The following ZNF804B variants were observed in gnomAD, a reference collection of about 807,000 sequenced individuals.
ZNF804B encodes zinc finger protein 804B.
Under a neutral mutation model 101.4 loss-of-function variants are expected in ZNF804B, and 80 were observed. The ratio of observed to expected loss-of-function variants is 0.79; its 90% CI spans 0.66 to 0.95. ZNF804B has a LOEUF of 0.95. Among genes scored for constraint, ZNF804B ranks in the 40% least tolerant of loss-of-function variants. ZNF804B has a pLI of 0.00. For synonymous variants in ZNF804B, 622 were observed against 558.8 expected (o/e 1.11, Z -1.59); for missense variants, 1,673 against 1,561.9 (o/e 1.07, Z -1.20).
At chr7:88,888,285 G>T (rs1792163692) in intron 1 of ZNF804B, among the ~76,000 whole-genome samples, 1 of 152,022 alleles carries the variant, frequency 6.6e-6, no homozygotes, top group South Asian at 2.1e-4. Flanking sequence ...CTGGCTACTT[G>T]GGAGGTTGAG....
At chr7:89,221,671 A>G (rs1789005222) in intron 2 of ZNF804B, among the ~76,000 whole-genome samples, 1 of 149,532 alleles carries the variant, frequency 6.7e-6, no homozygotes, top group Non-Finnish European at 1.5e-5. Flanking sequence ...TAACATGTTG[A>G]TAAACAACCT....
At chr7:88,900,338 A>C (rs1792369725) in intron 1 of ZNF804B, among the ~76,000 whole-genome samples, 1 of 151,890 alleles carries the variant, frequency 6.6e-6, no homozygotes, top group South Asian at 2.1e-4. Flanking sequence ...ATTTAAATGG[A>C]ATGAATAAAA....
intron 1 of ZNF804B, among the ~76,000 whole-genome samples, chr7:89,053,868 C>T (rs1789248738): frequency 6.6e-6 from 1 of 151,958 alleles, no homozygotes; most frequent in Admixed American, 6.6e-5. Context: ...AAGATCTTAC[C>T]TAATTGGATG....
intron 1 of ZNF804B, among the ~76,000 whole-genome samples, chr7:89,133,025 A>G (rs902055150): frequency 6.6e-6 from 1 of 152,062 alleles, no homozygotes; most frequent in Non-Finnish European, 1.5e-5. Flanking sequence ...CTGCTGCATT[A>G]TAATGCCTTA....
chr7:89,277,487 CCCCCCTCCCCCCTA>C (rs1454472228), intron 2 of ZNF804B, among the ~76,000 whole-genome samples: 1,058 of 21,928 alleles, frequency 0.048, 96 homozygotes, highest in African/African-American at 0.072. Context: ...CCTCCCCCCT[CCCCCCTCCCCCCTA>C]CCCCCACCCC....
At chr7:88,865,566 T>C (rs779477328) in intron 1 of ZNF804B, among the ~76,000 whole-genome samples, 16 of 152,106 alleles carry the variant, frequency 1.1e-4, no homozygotes, top group Non-Finnish European at 2.4e-4. Flanking sequence ...CATAAATGCA[T>C]ATATAAAATG....
chr7:89,101,314 T>C (rs961133867), intron 1 of ZNF804B, among the ~76,000 whole-genome samples: 3 of 152,088 alleles, frequency 2.0e-5, no homozygotes, highest in Non-Finnish European at 4.4e-5. Context: ...GTATCAGAAG[T>C]GAATATTTTG....
intron 1 of ZNF804B, among the ~76,000 whole-genome samples, chr7:88,899,170 G>T (rs1325434999): frequency 6.6e-6 from 1 of 152,104 alleles, no homozygotes; most frequent in East Asian, 1.9e-4. Flanking sequence ...GTTCAAGGTT[G>T]TATTCAGAGA....
intron 1 of ZNF804B, chr7:88,794,577 T>C (rs769803138): frequency 2.3e-5 from 37 of 1,613,558 alleles, no homozygotes; most frequent in Non-Finnish European, 3.0e-5. Flanking sequence ...TAAAAAATAC[T>C]GTTTCATCTT....
intron 2 of ZNF804B, among the ~76,000 whole-genome samples, chr7:89,228,272 C>T (rs995296498): frequency 2.0e-5 from 3 of 152,000 alleles, no homozygotes; most frequent in Admixed American, 1.3e-4. Context: ...GCAAAGAGCG[C>T]AAGAACAAAG....
At chr7:89,224,212 T>C (rs1789046895) in intron 2 of ZNF804B, among the ~76,000 whole-genome samples, 1 of 151,978 alleles carries the variant, frequency 6.6e-6, no homozygotes, top group South Asian at 2.1e-4. Flanking sequence ...CAAATCCACT[T>C]TGAAACCCTC....
intron 1 of ZNF804B, among the ~76,000 whole-genome samples, chr7:88,819,160 G>A (rs997131122): frequency 1.3e-5 from 2 of 151,788 alleles, no homozygotes; most frequent in Admixed American, 6.6e-5. Context: ...GTCTCTTTCC[G>A]TCACCCAGGC....
At chr7:89,105,525 G>A (rs115541189) in intron 1 of ZNF804B, among the ~76,000 whole-genome samples, 3 of 151,996 alleles carry the variant, frequency 2.0e-5, no homozygotes, top group Non-Finnish European at 2.9e-5. Context: ...TTCCTTGACC[G>A]TGGGCCAGTC....
At chr7:88,936,219 A>G (rs1259040123) in intron 1 of ZNF804B, among the ~76,000 whole-genome samples, 2 of 152,042 alleles carry the variant, frequency 1.3e-5, no homozygotes, top group East Asian at 1.9e-4. Context: ...CCAGCATTAC[A>G]CTATCATTTT....
At chr7:89,268,202 T>C (rs1789828457) in intron 2 of ZNF804B, among the ~76,000 whole-genome samples, 2 of 152,160 alleles carry the variant, frequency 1.3e-5, no homozygotes, top group Non-Finnish European at 2.9e-5. Flanking sequence ...TTCAATGCTG[T>C]ATTTCCAACT....
chr7:89,012,021 G>T (rs191821184), intron 1 of ZNF804B, among the ~76,000 whole-genome samples: 3 of 152,058 alleles, frequency 2.0e-5, no homozygotes, highest in African/African-American at 7.2e-5. Context: ...AAGCATTTCC[G>T]TACATCCTCT....
intron 1 of ZNF804B, among the ~76,000 whole-genome samples, chr7:88,905,265 T>G (rs1445836086): frequency 6.6e-6 from 1 of 152,230 alleles, no homozygotes; most frequent in African/African-American, 2.4e-5. Context: ...TATTTGCATA[T>G]GTAGAACCAA....
intron 2 of ZNF804B, among the ~76,000 whole-genome samples, chr7:89,224,712 A>ATGTGTGTGTGTGTGTGTGTGTGTG (rs56064065): frequency 6.9e-6 from 1 of 144,074 alleles, no homozygotes; most frequent in African/African-American, 2.6e-5. Context: ...CTGGCAAAGT[A>ATGTGTGTGTGTGTGTGTGTGTGTG]TGTGTGTGTG....
chr7:88,839,751 C>G (rs1035219522), intron 1 of ZNF804B, among the ~76,000 whole-genome samples: 1 of 151,502 alleles, frequency 6.6e-6, no homozygotes, highest in Non-Finnish European at 1.5e-5. Flanking sequence ...GGTTCTTCAC[C>G]GAGAGCAGGT....
Sources: allele counts gnomAD v4.1 joint callset (sites outside exome capture counted in the v4.1 genomes callset), GRCh38; gene constraint gnomAD v4.1.1; transcripts MANE v1.5; gene names NCBI Gene and HGNC (gene_info 2026-07-23, HGNC 2026-07-21).